Variants in ASPM observed in about 807,000 individuals in gnomAD.
ASPM encodes abnormal spindle-like microcephaly-associated protein.
ASPM carries 256 observed loss-of-function variants against 366.4 expected under a neutral mutation model. That is an observed-to-expected ratio of 0.70 (90% CI 0.63 to 0.77). The LOEUF is 0.77. Among genes scored for constraint, ASPM ranks in the 30% least tolerant of loss-of-function variants. The pLI is 0.00. For missense variants in ASPM, 4,146 were observed against 4,090.4 expected (o/e 1.01, Z -0.37); for synonymous variants, 1,414 against 1,342.9 (o/e 1.05, Z -1.16).
intron 22 of ASPM, among the ~76,000 whole-genome samples, chr1:197,091,339 T>A (rs1366495809): frequency 1.3e-5 from 2 of 152,056 alleles, no homozygotes; most frequent in African/African-American, 4.8e-5. Context: ...GCATTTTTTT[T>A]ACTAAATACT....
intron 4 of ASPM, chr1:197,139,020 G>A: frequency 1.4e-6 from 1 of 727,122 alleles, no homozygotes; most frequent in Admixed American, 2.1e-5. Context: ...CTTGTCTTTT[G>A]GCTTCAAAGA....
intron 4 of ASPM, among the ~76,000 whole-genome samples, chr1:197,138,121 C>G (rs1658475602): frequency 6.6e-6 from 1 of 152,134 alleles, no homozygotes; most frequent in African/African-American, 2.4e-5. Context: ...CTACTGGATC[C>G]ACAAGCAGGA....
chr1:197,113,235 T>G (rs1164061284), intron 17 of ASPM, among the ~76,000 whole-genome samples: 1 of 151,694 alleles, frequency 6.6e-6, no homozygotes, highest in Non-Finnish European at 1.5e-5. Flanking sequence ...CAGAGGGAAG[T>G]GTGGGTTGGA....
intron 17 of ASPM, among the ~76,000 whole-genome samples, chr1:197,114,594 G>C (rs1268697954): frequency 2.0e-5 from 3 of 152,068 alleles, no homozygotes; most frequent in African/African-American, 7.2e-5. Context: ...TTTTTAAACA[G>C]TTAGGGTCTC....
chr1:197,122,740 T>C, intron 13 of ASPM, 145 bp from the exon 14 acceptor site: 1 of 807,110 alleles, frequency 1.2e-6, no homozygotes, highest in Non-Finnish European at 2.1e-6. Context: ...ACTGGTAAAC[T>C]CTAAAATTTA....
rs543661179 is a variant in ASPM at position 197,098,028 on chromosome 1, A to G, written c.8821-1864T>C. Among the ~76,000 whole-genome samples the G allele has an allele frequency of 2.3e-4, 34 of 150,124 alleles. 1 individual carries two copies. The South Asian group carries it at 3.8e-3, about 17-fold the overall frequency. ...TATATATATATATACACACACACACATCACACCTGAAGAACATCAAAATTT... is the reference window on the plus strand; with the variant it reads ...TATATATATATATACACACACACACGTCACACCTGAAGAACATCAAAATTT... On this transcript the variant is annotated intron_variant, in intron 18 of 27. Coordinates refer to ENST00000367409, the MANE Select transcript of ASPM (RefSeq NM_018136.5).
chr1:197,122,391 G>A lies in ASPM; in HGVS notation c.3595C>T (p.His1199Tyr), dbSNP rs1372026889. Residue 1199 changes from histidine to tyrosine, a missense_variant, in exon 14 of 28, where the codon CAT (histidine) becomes TAT (tyrosine). Around this residue, in one of 3 missense-constraint regions of ASPM, gnomAD observed 3,624 missense variants for 3,591.7 expected, o/e 1.01. Transcript: ENST00000367409. Reference sequence around the variant, plus strand: ...AAAGTAACCAAAAGGGACTAACCATGATCAAATGCTTTAAGAGACATATCC... The same window carrying A: ...AAAGTAACCAAAAGGGACTAACCATAATCAAATGCTTTAAGAGACATATCC... Reference protein sequence around the residue: ...SLDMSLKAFDHENTSELYKEL... With the variant: ...SLDMSLKAFDYENTSELYKEL... 1.9e-6 allele frequency: 3 copies of A among 1,613,438 alleles called. No homozygotes were observed. Among genetic ancestry groups the A allele is most frequent in the Non-Finnish European group, 2.5e-6 (3 of 1,179,620 alleles).
intron 6 of ASPM, among the ~76,000 whole-genome samples, chr1:197,132,825 A>G (rs1658304670): frequency 6.6e-6 from 1 of 151,640 alleles, no homozygotes; most frequent in African/African-American, 2.4e-5. Context: ...GTCACTTGTG[A>G]TAACATGGAT....
intron 18 of ASPM, among the ~76,000 whole-genome samples, 160 bp from the exon 19 acceptor site, chr1:197,096,324 C>A (rs545387876): frequency 6.6e-6 from 1 of 151,844 alleles, no homozygotes; most frequent in Admixed American, 6.6e-5. Context: ...TGTAATGAGT[C>A]TTCTGAGAAC....
intron 16 of ASPM, among the ~76,000 whole-genome samples, chr1:197,121,700 G>A (rs1657908431): frequency 6.6e-6 from 1 of 152,094 alleles, no homozygotes; most frequent in Admixed American, 6.6e-5. Flanking sequence ...CTAGGTGAAG[G>A]GGTGGACAGA....
Position 197,122,542 on chromosome 1 carries a change from G to A in ASPM, c.3444C>T (p.Ile1148=). 6.2e-7 allele frequency: 1 copy of A among 1,613,096 alleles called. No individual in the cohort carries two copies. The highest frequency in any genetic ancestry group is 2.2e-5 in the East Asian group (1 of 44,848). ...FSDGRVLCYL[I]HHYHPCYVPF... ...GCACATAGCAAGGATGGTAATGGTG[G>A]ATCAGGTAACATAACACACGGCCGT... Residue 1148 remains isoleucine, a synonymous_variant, in exon 14 of 28, where the codon ATC becomes ATT. Coordinates refer to ENST00000367409, the MANE Select transcript of ASPM (RefSeq NM_018136.5).
intron 4 of ASPM, chr1:197,138,715 T>C (rs1004278968): frequency 6.0e-6 from 4 of 669,250 alleles, no homozygotes; most frequent in African/African-American, 1.8e-5. Flanking sequence ...ATGTGAATGA[T>C]AGGGCTCTCA....
rs772915751 is a variant in ASPM, at chr1:197,088,085, AG to A, written c.10161+170del. Reference sequence around the variant, plus strand: ...AATTCAGTTTCTTTAATAGTCAGAAAGAAACAACTCATAGATACATCCTGAA... The same window carrying A: ...AATTCAGTTTCTTTAATAGTCAGAAAAAACAACTCATAGATACATCCTGAA... On this transcript the variant is annotated intron_variant, in intron 26 of 27. Transcript: ENST00000367409. 6.7e-4 allele frequency: 434 copies of A among 645,668 alleles called. No homozygotes were observed. In the Middle Eastern group the frequency reaches 7.3e-3, roughly 11 times the overall value. 40.0% of individuals were successfully genotyped at this position (645,668 alleles called of 1,614,324 possible).
intron 20 of ASPM, 107 bp from the exon 21 acceptor site, chr1:197,093,368 A>C (rs1401356498): frequency 1.1e-6 from 1 of 923,320 alleles, no homozygotes; most frequent in Non-Finnish European, 1.7e-6. Flanking sequence ...TATGATTTAT[A>C]GTCTAAGAAT....
chr1:197,120,764 A>G (rs1373645471), intron 16 of ASPM, among the ~76,000 whole-genome samples: 2 of 152,092 alleles, frequency 1.3e-5, no homozygotes, highest in Admixed American at 1.3e-4. Flanking sequence ...TCAGGAAGTT[A>G]TTCTCCAAGT....
Position 197,093,964 on chromosome 1 carries a change from C to T in ASPM, c.9084+120G>A. On this transcript the variant is annotated intron_variant, in intron 20 of 27. Coordinates refer to ENST00000367409, the MANE Select transcript of ASPM (RefSeq NM_018136.5). Reference sequence around the variant, plus strand: ...GTGTGAAATAAATGCATACTTAGGTCTTAAAAACACTTTTTTTCCAGCGAA... The same window carrying T: ...GTGTGAAATAAATGCATACTTAGGTTTTAAAAACACTTTTTTTCCAGCGAA... 4.5e-6 allele frequency: 3 copies of T among 672,446 alleles called. No individual in the cohort carries two copies. The South Asian group carries it at 6.3e-5, about 14-fold the overall frequency. 41.7% of individuals were successfully genotyped at this position (672,446 alleles called of 1,614,324 possible).
At chr1:197,140,295 G>C (rs1276098786) in intron 3 of ASPM, among the ~76,000 whole-genome samples, 1 of 152,192 alleles carries the variant, frequency 6.6e-6, no homozygotes, top group African/African-American at 2.4e-5. Context: ...TTAAAATTAG[G>C]CATGAGGAAT....
rs545470771 is a variant in ASPM, at chr1:197,142,783, C to T, written c.1469G>A (p.Arg490His). The change falls in exon 3 of 28, where the codon CGT (arginine) becomes CAT (histidine). Residue 490 changes from arginine to histidine, a missense_variant. Coordinates refer to ENST00000367409, the MANE Select transcript of ASPM (RefSeq NM_018136.5). Reference protein sequence around the residue: ...SHSHNKQPKRRPILSATVTKR... With the variant: ...SHSHNKQPKRHPILSATVTKR... ...AGTAACAGTGGCAGAAAGTATTGGACGTCTCTTAGGTTGTTTATTGTGGCT... is the reference window on the plus strand; with the variant it reads ...AGTAACAGTGGCAGAAAGTATTGGATGTCTCTTAGGTTGTTTATTGTGGCT... The T allele has an allele frequency of 4.8e-5, 78 of 1,613,468 alleles. No individual in the cohort carries two copies. Among genetic ancestry groups the T allele is most frequent in the Admixed American group, 4.7e-4 (28 of 60,016 alleles).
intron 18 of ASPM, among the ~76,000 whole-genome samples, chr1:197,097,317 C>A (rs1013839440): frequency 9.2e-5 from 14 of 151,690 alleles, no homozygotes; most frequent in Admixed American, 4.6e-4. Context: ...TTCTGTAATA[C>A]GCTTCCCCCT....
Sources: allele counts gnomAD v4.1 joint callset (sites outside exome capture counted in the v4.1 genomes callset), GRCh38; gene constraint gnomAD v4.1.1; regional missense constraint gnomAD v4.1.1; transcripts MANE v1.5; gene names NCBI Gene and HGNC (gene_info 2026-07-23, HGNC 2026-07-21).